The following TNS3 variants were observed in gnomAD, a reference collection of about 807,000 sequenced individuals.
TNS3 encodes the protein tensin 3.
Under a neutral mutation model 140.9 loss-of-function variants are expected in TNS3, and 45 were observed. The observed-to-expected ratio is 0.32, with a 90% CI of 0.25 to 0.41. The LOEUF (loss-of-function observed/expected upper bound fraction) is 0.41. Ranked by LOEUF, TNS3 falls within the 10% of genes least tolerant of loss-of-function variation. TNS3 has a pLI of 1.00. For synonymous variants in TNS3, 815 were observed against 788.4 expected, an observed-to-expected ratio of 1.03 and a Z score of -0.56; for missense variants, 1,716 against 1,906.7, an observed-to-expected ratio of 0.90 and a Z score of 1.86.
chr7:47,481,156 A>G lies in TNS3; in HGVS notation c.-114-15T>C, dbSNP rs113191122. The G allele has an allele frequency of 1.1e-5, 14 of 1,289,614 alleles. No homozygotes were observed. Among genetic ancestry groups the G allele is most frequent in the African/African-American group, 1.1e-4 (7 of 65,876 alleles). 79.9% of individuals were successfully genotyped at this position (1,289,614 alleles called of 1,614,324 possible). A position where few individuals can be genotyped will look rare whatever the true frequency, so the allele number is the denominator to read the frequency against. On this transcript the variant is annotated splice_polypyrimidine_tract_variant and intron_variant, in intron 3 of 30. Transcript: ENST00000311160. ...GGAATCACCACCTTTCAAAGAGAGA[A>G]GAAACAGATAAGCAAATGGATTCTC...
chr7:47,422,379 C>T (rs1794418936), intron 10 of TNS3, among the ~76,000 whole-genome samples: 1 of 152,094 alleles, frequency 6.6e-6, no homozygotes, highest in South Asian at 2.1e-4. Context: ...TTTGGGAAGC[C>T]ACAGCAGAAG....
chr7:47,530,823 C>CAAAAAAAAAAAAAA (rs781707373), intron 1 of TNS3, among the ~76,000 whole-genome samples: 4 of 45,010 alleles, frequency 8.9e-5, no homozygotes, highest in Non-Finnish European at 8.1e-5. Context: ...AACTCCATCT[C>CAAAAAAAAAAAAAA]AAAAAAAAAA....
intron 3 of TNS3, among the ~76,000 whole-genome samples, chr7:47,493,662 C>CAA (rs58803590): frequency 2.1e-4 from 25 of 118,912 alleles, no homozygotes; most frequent in East Asian, 1.4e-3. Flanking sequence ...ACTAAAAATA[C>CAA]AAAAAAAAAA....
intron 1 of TNS3, among the ~76,000 whole-genome samples, chr7:47,574,524 T>A (rs1296800794): frequency 1.3e-5 from 2 of 152,036 alleles, no homozygotes; most frequent in South Asian, 2.1e-4. Context: ...CAGGGACTTA[T>A]ACACCCATGT....
At chr7:47,340,585 CTTT>C (rs774726583) in intron 20 of TNS3, among the ~76,000 whole-genome samples, 1 of 134,842 alleles carries the variant, frequency 7.4e-6, no homozygotes, top group Non-Finnish European at 1.6e-5. Flanking sequence ...TCTTTTTTTT[CTTT>C]TTTTTTTTTT....
At chr7:47,297,236 C>T (rs779925183) in intron 23 of TNS3, 23 bp from the exon 24 acceptor site, 4 of 1,599,872 alleles carry the variant, frequency 2.5e-6, no homozygotes, top group African/African-American at 1.3e-5. Context: ...AGGAGAAAGA[C>T]AAGAAGGTCT....
In TNS3 at chr7:47,293,351, G is replaced by C. The variant is rs537656267; in HGVS notation, c.3772+382C>G. 1.4e-4 allele frequency among the ~76,000 whole-genome samples: 22 copies of C among 152,304 alleles called. No homozygotes were observed. The East Asian group carries it at 3.3e-3, about 23-fold the overall frequency. On this transcript the variant is annotated intron_variant, in intron 25 of 30. Transcript: ENST00000311160. Reference sequence around the variant, plus strand: ...CCAACAAGCTCGTGAGGTAGGGAAGGCTCCCAATTTGCAGGGAAGGGAGGG... The same window carrying C: ...CCAACAAGCTCGTGAGGTAGGGAAGCCTCCCAATTTGCAGGGAAGGGAGGG...
At chr7:47,337,619 C>G (rs142757663) in intron 20 of TNS3, among the ~76,000 whole-genome samples, 199 of 152,332 alleles carry the variant, frequency 1.3e-3, no homozygotes, top group Non-Finnish European at 2.2e-3. Context: ...TTGGTCTGTT[C>G]CAGCCCACTG....
At chr7:47,524,248 C>T (rs1799096392) in intron 2 of TNS3, among the ~76,000 whole-genome samples, 1 of 152,198 alleles carries the variant, frequency 6.6e-6, no homozygotes, top group East Asian at 1.9e-4. Flanking sequence ...CAGCTCTGCA[C>T]CACTGGATCT....
chr7:47,463,541 C>T (rs774176543), intron 4 of TNS3, among the ~76,000 whole-genome samples: 1 of 152,152 alleles, frequency 6.6e-6, no homozygotes, highest in Non-Finnish European at 1.5e-5. Context: ...CTTTCTCCAC[C>T]AGGCACAGGA....
intron 4 of TNS3, among the ~76,000 whole-genome samples, chr7:47,477,491 C>A (rs1797239940): frequency 6.6e-6 from 1 of 152,132 alleles, no homozygotes; most frequent in Non-Finnish European, 1.5e-5. Context: ...GGCACTGACA[C>A]CCCAGAGAGC....
rs1795258670 is a variant in TNS3, at chr7:47,437,781, C to T, written c.151-468G>A. On this transcript the variant is annotated intron_variant, in intron 6 of 30. Coordinates refer to ENST00000311160, the MANE Select transcript of TNS3 (RefSeq NM_022748.12). ...ACACACACACACACACACACACACA[C>T]ACACGTATAAAATATATAATATAAA... Among the ~76,000 whole-genome samples the T allele has an allele frequency of 4.1e-5, 5 of 120,722 alleles. No individual in the cohort carries two copies. The South Asian group carries it at 1.3e-3, about 32-fold the overall frequency. 79.2% of individuals were successfully genotyped at this position (120,722 alleles called of 152,430 possible).
At chr7:47,535,793 C>T (rs1249208459) in intron 1 of TNS3, among the ~76,000 whole-genome samples, 1 of 152,232 alleles carries the variant, frequency 6.6e-6, no homozygotes, top group Non-Finnish European at 1.5e-5. Flanking sequence ...TGCAAAACCG[C>T]AGGGATCTCT....
chr7:47,461,985 C>CTG, intron 4 of TNS3, among the ~76,000 whole-genome samples: 1 of 152,148 alleles, frequency 6.6e-6, no homozygotes, highest in Admixed American at 6.5e-5. Context: ...TATGTAAAAA[C>CTG]AGGACAGGGA....
At chr7:47,531,921 C>T (rs1459211872) in intron 1 of TNS3, among the ~76,000 whole-genome samples, 1 of 152,244 alleles carries the variant, frequency 6.6e-6, no homozygotes, top group Non-Finnish European at 1.5e-5. Flanking sequence ...CCATCCACGG[C>T]TGCAGACCTG....
chr7:47,368,454 A>C lies in TNS3; in HGVS notation c.2192T>G (p.Val731Gly). The C allele has an allele frequency of 6.3e-7, 1 of 1,579,384 alleles. No homozygotes were observed. Among genetic ancestry groups the C allele is most frequent in the Non-Finnish European group, 8.6e-7 (1 of 1,156,778 alleles). ...CCCACCTCCCACGCTGTCTGGAGACACAGAGCCATTGGCCTGGCTACCGAG... is the reference window on the plus strand; with the variant it reads ...CCCACCTCCCACGCTGTCTGGAGACCCAGAGCCATTGGCCTGGCTACCGAG... ...NALGSQANGS[V>G]SPDSVGGGLR... The change falls in exon 17 of 31, where the codon GTG (valine) becomes GGG (glycine). Residue 731 changes from valine to glycine, a missense_variant. By Grantham distance (109) the Val-to-Gly change is moderately radical. Coordinates refer to ENST00000311160, the MANE Select transcript of TNS3 (RefSeq NM_022748.12).
At chr7:47,555,290 A>C (rs764085965) in intron 1 of TNS3, among the ~76,000 whole-genome samples, 1 of 150,862 alleles carries the variant, frequency 6.6e-6, no homozygotes, top group Non-Finnish European at 1.5e-5. Flanking sequence ...AATCCCAGCT[A>C]CTTGGGAGGC....
In TNS3 at chr7:47,439,174, G is replaced by A. The variant is rs114317077; in HGVS notation, c.150+313C>T. On this transcript the variant is annotated intron_variant, in intron 6 of 30. Transcript: ENST00000311160. ...GATACGAGGGATGCAGCATGGGAGC[G>A]CAAGGGTGGCTGGCTGGGGACATGT... 8.0e-3 allele frequency among the ~76,000 whole-genome samples: 1,214 copies of A among 152,318 alleles called. 19 individuals carry two copies. Among genetic ancestry groups the A allele is most frequent in the African/African-American group, 0.027 (1,128 of 41,556 alleles).
intron 23 of TNS3, among the ~76,000 whole-genome samples, chr7:47,297,834 C>A (rs1430162847): frequency 1.4e-5 from 2 of 145,638 alleles, no homozygotes; most frequent in African/African-American, 5.2e-5. Context: ...GTTGCCCAGG[C>A]TAGAGTGCAG....
Sources: gnomAD v4.1 joint callset for allele counts (sites outside exome capture counted in the v4.1 genomes callset) on GRCh38, gnomAD v4.1.1 for gene constraint, MANE v1.5 for transcripts, NCBI Gene and HGNC (gene_info 2026-07-23, HGNC 2026-07-21) for gene names.